IGF2BP1: variants seen among roughly 807,000 people sequenced by gnomAD.
IGF2BP1 encodes insulin-like growth factor 2 mRNA-binding protein 1.
IGF2BP1 carries 11 observed loss-of-function variants against 74.9 expected under a neutral mutation model. The ratio of observed to expected loss-of-function variants is 0.15; its 90% confidence interval spans 0.09 to 0.24. The LOEUF (loss-of-function observed/expected upper bound fraction) is 0.24. Among genes scored for constraint, IGF2BP1 ranks in the 10% least tolerant of loss-of-function variants. The pLI, the probability that IGF2BP1 is intolerant of heterozygous loss-of-function variation, is 1.00. For synonymous variants in IGF2BP1, 287 were observed against 281.8 expected (o/e 1.02, Z -0.18); for missense variants, 440 against 757.4 (o/e 0.58, Z 4.92).
At chr17:49,039,387 G>A (rs1278815454) in intron 6 of IGF2BP1, among the ~76,000 whole-genome samples, 1 of 152,004 alleles carries the variant, frequency 6.6e-6, no homozygotes, top group Non-Finnish European at 1.5e-5. Context: ...TTGTGTCATA[G>A]GCTGTGTTCT....
At chr17:49,043,313 A>T in intron 9 of IGF2BP1, 115 bp from the exon 10 acceptor site, 1 of 1,153,708 alleles carries the variant, frequency 8.7e-7, no homozygotes, top group Non-Finnish European at 1.3e-6. Context: ...AAAAGTATGT[A>T]ATTCATGTTT....
chr17:49,036,348 G>A (rs1005799457), intron 5 of IGF2BP1: 1 of 152,090 alleles, frequency 6.6e-6, no homozygotes, highest in African/African-American at 2.4e-5. Flanking sequence ...AAAAGACAGC[G>A]GAGGTGTTCG....
At chr17:49,014,683 C>A in intron 2 of IGF2BP1, 1 of 741,702 alleles carries the variant, frequency 1.3e-6, no homozygotes, top group Non-Finnish European at 1.6e-6. Context: ...TAGGGGGAGA[C>A]GCGGATCCCT....
chr17:49,042,523 G>A, intron 9 of IGF2BP1, 146 bp downstream of exon 9: 3 of 826,632 alleles, frequency 3.6e-6, no homozygotes, highest in Middle Eastern at 2.4e-4. Context: ...ATCAGAAATA[G>A]TATTTAAATA....
intron 2 of IGF2BP1, among the ~76,000 whole-genome samples, chr17:49,005,496 GC>G (rs2041540938): frequency 6.6e-6 from 1 of 152,164 alleles, no homozygotes; most frequent in Admixed American, 6.5e-5. Flanking sequence ...TAGACAAGTG[GC>G]ATTTTGGTGG....
intron 2 of IGF2BP1, among the ~76,000 whole-genome samples, chr17:48,999,989 CCT>C (rs2041467967): frequency 6.8e-6 from 1 of 148,144 alleles, no homozygotes; most frequent in East Asian, 2.0e-4. Context: ...TACCCTCTAT[CCT>C]CTCTCTTCAG....
At chr17:49,016,714 C>G (rs2041708142) in intron 2 of IGF2BP1, among the ~76,000 whole-genome samples, 1 of 152,092 alleles carries the variant, frequency 6.6e-6, no homozygotes, top group Non-Finnish European at 1.5e-5. Flanking sequence ...TCTGCTCTGC[C>G]CAGTCCCACA....
chr17:49,026,252 A>G, intron 3 of IGF2BP1: 2 of 482,678 alleles, frequency 4.1e-6, no homozygotes, highest in Non-Finnish European at 7.4e-6. Context: ...CTGCTTCCCA[A>G]AAGGCCCTTA....
chr17:49,001,103 A>G (rs2041483500), intron 2 of IGF2BP1, among the ~76,000 whole-genome samples: 1 of 152,104 alleles, frequency 6.6e-6, no homozygotes, highest in South Asian at 2.1e-4. Context: ...GAATGAATCA[A>G]TTTTTGAAGT....
At chr17:49,025,847 TC>T (rs2041846400) in intron 3 of IGF2BP1, among the ~76,000 whole-genome samples, 181 bp downstream of exon 3, 1 of 132,586 alleles carries the variant, frequency 7.5e-6, no homozygotes, top group East Asian at 1.9e-4. Flanking sequence ...TTTCTTTCTT[TC>T]TTTTCTTTCT....
Position 49,055,554 on chromosome 17 carries a change from A to G in IGF2BP1, c.*6110A>G. 2.5e-6 allele frequency: 1 copy of G among 398,182 alleles called. No individual in the cohort carries two copies. Among genetic ancestry groups the G allele is most frequent in the Non-Finnish European group, 4.4e-6 (1 of 225,874 alleles). 24.7% of individuals were successfully genotyped at this position (398,182 alleles called of 1,614,324 possible). ...GGAGCCACTTGTAACATTTCTGTGC[A>G]GATTTTATGTTAGCCACTGCTATGT... is the stretch of plus-strand genomic sequence containing the variant. On this transcript the variant is annotated 3_prime_UTR_variant, in exon 15 of 15. Coordinates refer to ENST00000290341, the MANE Select transcript of IGF2BP1 (RefSeq NM_006546.4).
chr17:49,043,616 A>G, intron 10 of IGF2BP1, 66 bp downstream of exon 10: 7 of 1,571,400 alleles, frequency 4.5e-6, no homozygotes, highest in Non-Finnish European at 6.1e-6. Context: ...AGGGGGACTC[A>G]GCATGCTCTG....
chr17:49,046,394 T>C (rs766316617), intron 14 of IGF2BP1, 21 bp downstream of exon 14: 3 of 1,560,110 alleles, frequency 1.9e-6, no homozygotes, highest in African/African-American at 2.7e-5. Flanking sequence ...TGCTCCCCCA[T>C]TGAGGGAGGG....
At chr17:49,018,286 A>G (rs1225510504) in intron 2 of IGF2BP1, among the ~76,000 whole-genome samples, 1 of 152,188 alleles carries the variant, frequency 6.6e-6, no homozygotes, top group Non-Finnish European at 1.5e-5. Context: ...TCTGATTAGA[A>G]ATCTGGTACC....
At position 48,999,923 on chromosome 17, in the gene IGF2BP1, GGTGTGTGTGT is replaced by G. The variant is rs371605973; in HGVS notation, c.236+785_236+794del. Among the ~76,000 whole-genome samples the G allele has an allele frequency of 1.6e-3, 214 of 134,106 alleles. 3 individuals are homozygous for G. Among genetic ancestry groups the G allele is most frequent in the East Asian group, 0.014 (63 of 4,392 alleles). The allele number at this position is 134,106 out of a possible 152,430, so 88.0% of individuals were successfully genotyped here. On this transcript the variant is annotated intron_variant, in intron 2 of 14. Transcript: ENST00000290341. The stretch of plus-strand genomic sequence containing the variant: ...AGGGTCTAGAACTCCGTGGATGAAT[GGTGTGTGTGT>G]GTGTGTGTGTGTGTGTGTGTGTGTG...
intron 2 of IGF2BP1, among the ~76,000 whole-genome samples, chr17:49,025,028 C>G (rs1428369125): frequency 6.6e-6 from 1 of 152,036 alleles, no homozygotes; most frequent in Non-Finnish European, 1.5e-5. Flanking sequence ...CCTGTCTCTA[C>G]TGAAAATACA....
At chr17:49,029,496 C>T (rs1173104496) in intron 4 of IGF2BP1, among the ~76,000 whole-genome samples, 1 of 152,180 alleles carries the variant, frequency 6.6e-6, no homozygotes, top group African/African-American at 2.4e-5. Context: ...GACCAAGTGC[C>T]TTATCTGTCC....
intron 2 of IGF2BP1, among the ~76,000 whole-genome samples, chr17:49,022,250 A>G (rs1220481247): frequency 6.6e-6 from 1 of 152,176 alleles, no homozygotes; most frequent in East Asian, 1.9e-4. Flanking sequence ...TGTGGAATGA[A>G]TGAGACTGGG....
chr17:49,032,546 AT>A (rs1431007936), intron 5 of IGF2BP1, among the ~76,000 whole-genome samples: 10 of 151,952 alleles, frequency 6.6e-5, no homozygotes, highest in African/African-American at 2.4e-4. Context: ...CAGACTATAC[AT>A]TTTGCGCATT....
Sources: gnomAD v4.1 joint callset for allele counts (sites outside exome capture counted in the v4.1 genomes callset) on GRCh38, gnomAD v4.1.1 for gene constraint, MANE v1.5 for transcripts, NCBI Gene and HGNC (gene_info 2026-07-23, HGNC 2026-07-21) for gene names.